UNC5A: variants seen among roughly 807,000 people sequenced by gnomAD.
UNC5A encodes unc-5 netrin receptor A.
A neutral mutation model predicts 87.4 loss-of-function variants in UNC5A; 20 were observed. The ratio of observed to expected loss-of-function variants is 0.23; its 90% CI spans 0.16 to 0.33. The LOEUF (loss-of-function observed/expected upper bound fraction) is 0.33, where lower values mean the gene tolerates loss of function less well. Ranked by LOEUF, UNC5A falls within the 10% of genes least tolerant of loss-of-function variation. The pLI, the probability that UNC5A is intolerant of heterozygous loss-of-function variation, is 1.00. For synonymous variants in UNC5A, 438 were observed against 482.3 expected (o/e 0.91, Z 1.20); for missense variants, 844 against 1,133.4 (o/e 0.74, Z 3.67).
At chr5:176,876,716 C>T (rs1395226303) in intron 8 of UNC5A, among the ~76,000 whole-genome samples, 4 of 152,158 alleles carry the variant, frequency 2.6e-5, no homozygotes, top group African/African-American at 4.8e-5. Context: ...TGGAGCAGGA[C>T]GGGAGGGCAG....
At chr5:176,822,328 G>A (rs1313218034) in intron 1 of UNC5A, among the ~76,000 whole-genome samples, 1 of 152,236 alleles carries the variant, frequency 6.6e-6, no homozygotes, top group African/African-American at 2.4e-5. Flanking sequence ...AAAACTGGCA[G>A]CAGCAGGTAT....
intron 2 of UNC5A, chr5:176,864,959 G>T (rs949813093): frequency 7.5e-6 from 3 of 399,924 alleles, no homozygotes; most frequent in Non-Finnish European, 1.0e-5. Flanking sequence ...GTCTTGCTGG[G>T]AGGGTCTGCA....
chr5:176,833,456 G>A (rs948518461), intron 1 of UNC5A, among the ~76,000 whole-genome samples: 1 of 152,220 alleles, frequency 6.6e-6, no homozygotes, highest in Non-Finnish European at 1.5e-5. Flanking sequence ...TCCATGTGGA[G>A]CAAAGGACAT....
intron 1 of UNC5A, among the ~76,000 whole-genome samples, chr5:176,835,426 G>A (rs12521024): frequency 0.095 from 14,475 of 152,248 alleles, 871 homozygotes; most frequent in Non-Finnish European, 0.14. Flanking sequence ...TCCCCATCCC[G>A]GATTCTGTAA....
chr5:176,825,795 G>A (rs1031608241), intron 1 of UNC5A, among the ~76,000 whole-genome samples: 2 of 152,242 alleles, frequency 1.3e-5, no homozygotes, highest in Non-Finnish European at 2.9e-5. Context: ...AGAAGCAGAG[G>A]GGATGGGCTG....
intron 1 of UNC5A, among the ~76,000 whole-genome samples, chr5:176,854,319 T>C (rs60031992): frequency 0.082 from 12,450 of 152,274 alleles, 848 homozygotes; most frequent in East Asian, 0.36. Context: ...TAACAGCAAG[T>C]GCGGAACGTG....
Position 176,810,654 on chromosome 5 carries a change from G to T in UNC5A, c.-97G>T. On this transcript the variant is annotated 5_prime_UTR_variant, in exon 1 of 15. Transcript: ENST00000329542. This position sits in a 1 kb window ranked among gnomAD's most constrained non-coding sequence, Gnocchi z 7.3. ...GCGCAGTCCGCTGGCATGGGCCCCG[G>T]GGGCGCCCCGAGCTGGGGCTCCGGG... 2.9e-6 allele frequency: 1 copy of T among 343,792 alleles called. No homozygotes were observed. Among genetic ancestry groups the T allele is most frequent in the South Asian group, 1.1e-4 (1 of 8,944 alleles). 21.3% of individuals were successfully genotyped at this position (343,792 alleles called of 1,614,324 possible). A position where few individuals can be genotyped will look rare whatever the true frequency, so the allele number is the denominator to read the frequency against.
intron 1 of UNC5A, among the ~76,000 whole-genome samples, chr5:176,839,879 A>G (rs1757234367): frequency 6.8e-6 from 1 of 146,302 alleles, no homozygotes; most frequent in African/African-American, 2.6e-5. Flanking sequence ...TGCAGTGGTA[A>G]GATCTCAGCT....
At chr5:176,867,047 T>C (rs1486400615) in intron 2 of UNC5A, among the ~76,000 whole-genome samples, 1 of 152,178 alleles carries the variant, frequency 6.6e-6, no homozygotes, top group Non-Finnish European at 1.5e-5. Context: ...CCTCCCAGCC[T>C]GCCGGCTCAG....
Position 176,865,795 on chromosome 5 carries a change from G to A in UNC5A, c.293-2335G>A. 1 of 403,200 alleles carries A rather than the reference G, an allele frequency of 2.5e-6. No individual in the cohort carries two copies. Among genetic ancestry groups the A allele is most frequent in the South Asian group, 1.8e-5 (1 of 55,396 alleles). 25.0% of individuals were successfully genotyped at this position (403,200 alleles called of 1,614,324 possible). ...TGTGTGGGGCTGGAGGTGGCCGGAT[G>A]GACACCCAGGAGAGCACCTACTTCC... On this transcript the variant is annotated intron_variant, in intron 2 of 14. Transcript: ENST00000329542. This position sits in a 1 kb window ranked among gnomAD's most constrained non-coding sequence, Gnocchi z 5.3.
At chr5:176,846,963 C>CCG (rs1757420684) in intron 1 of UNC5A, among the ~76,000 whole-genome samples, 1 of 152,134 alleles carries the variant, frequency 6.6e-6, no homozygotes, top group South Asian at 2.1e-4. Context: ...GGACGCAGAG[C>CCG]CGCGCACATG....
intron 1 of UNC5A, among the ~76,000 whole-genome samples, chr5:176,859,890 C>T (rs1244741972): frequency 6.6e-6 from 1 of 152,222 alleles, no homozygotes; most frequent in African/African-American, 2.4e-5. Context: ...CGGATAAATG[C>T]CCCCCGGGGC....
Position 176,877,179 on chromosome 5 carries a change from C to T in UNC5A, c.1379-13C>T. 1 of 1,604,684 alleles carries T rather than the reference C, an allele frequency of 6.2e-7. No individual in the cohort carries two copies. The highest frequency in any genetic ancestry group is 8.5e-7 in the Non-Finnish European group (1 of 1,172,572). On this transcript the variant is annotated splice_polypyrimidine_tract_variant and intron_variant, in intron 8 of 14. Coordinates refer to ENST00000329542, the MANE Select transcript of UNC5A (RefSeq NM_133369.3). Reference sequence around the variant, plus strand: ...GCAGTGGGTAAGCCCTGGCCCTCTTCCTGCCGTTCCAGGAATCAGCCTCCT... The same window carrying T: ...GCAGTGGGTAAGCCCTGGCCCTCTTTCTGCCGTTCCAGGAATCAGCCTCCT...
chr5:176,838,664 A>T lies in UNC5A; in HGVS notation c.71-23960A>T, dbSNP rs1757199405. On this transcript the variant is annotated intron_variant, in intron 1 of 14. Coordinates refer to ENST00000329542, the MANE Select transcript of UNC5A (RefSeq NM_133369.3). The surrounding 1 kb of genome is among the most constrained non-coding windows in gnomAD (Gnocchi z 4.2). ...TGTTGGCCATATCCTCGGCTTCCCC[A>T]GGGCATCCCCTAACATCTCTACACT... Among the ~76,000 whole-genome samples the T allele has an allele frequency of 6.6e-6, 1 of 152,212 alleles. No individual in the cohort carries two copies. Among genetic ancestry groups the T allele is most frequent in the Non-Finnish European group, 1.5e-5 (1 of 68,042 alleles).
intron 1 of UNC5A, among the ~76,000 whole-genome samples, chr5:176,832,788 G>A (rs1251375092): frequency 6.6e-6 from 1 of 152,210 alleles, no homozygotes; most frequent in Non-Finnish European, 1.5e-5. Flanking sequence ...GTGGCAAGCT[G>A]AAGCTGGTTG....
chr5:176,833,736 G>C (rs1757080136), intron 1 of UNC5A, among the ~76,000 whole-genome samples: 2 of 149,116 alleles, frequency 1.3e-5, no homozygotes, highest in Non-Finnish European at 3.0e-5. Flanking sequence ...TTGAGACGGA[G>C]TCTTGCTCTG....
At chr5:176,847,756 GATTT>G (rs1398328274) in intron 1 of UNC5A, among the ~76,000 whole-genome samples, 1 of 152,072 alleles carries the variant, frequency 6.6e-6, no homozygotes, top group Non-Finnish European at 1.5e-5. Context: ...AATTATTAGT[GATTT>G]ATTAAGAGCC....
chr5:176,879,554 G>A, intron 14 of UNC5A, 66 bp downstream of exon 14: 1 of 1,550,656 alleles, frequency 6.4e-7, no homozygotes, highest in Non-Finnish European at 8.7e-7. Context: ...CGGCGGGGTG[G>A]GTGAGGTGGA....
intron 2 of UNC5A, among the ~76,000 whole-genome samples, chr5:176,864,647 A>T (rs1757927567): frequency 6.6e-6 from 1 of 152,180 alleles, no homozygotes; most frequent in Admixed American, 6.5e-5. Flanking sequence ...GAGGGTCAGC[A>T]GGGACTGCCT....
Sources: allele counts gnomAD v4.1 joint callset (sites outside exome capture counted in the v4.1 genomes callset), GRCh38; gene constraint gnomAD v4.1.1; non-coding constraint Gnocchi (gnomAD v3.1); transcripts MANE v1.5; gene names NCBI Gene and HGNC (gene_info 2026-07-23, HGNC 2026-07-21).